The following CPNE8 variants were observed in gnomAD, a reference collection of about 807,000 sequenced individuals.
CPNE8 encodes the protein copine-8.
CPNE8 carries 45 observed loss-of-function variants against 81.5 expected under a neutral mutation model. The ratio of observed to expected loss-of-function variants is 0.55; its 90% CI spans 0.44 to 0.71. The LOEUF is 0.71. Among genes scored for constraint, CPNE8 ranks in the 30% least tolerant of loss-of-function variants. The probability of loss-of-function intolerance (pLI) is 0.00; values close to 1 mark genes in which losing one functional copy is unlikely to be tolerated. For synonymous variants in CPNE8, 252 were observed against 226.3 expected (o/e 1.11, Z -1.02); for missense variants, 594 against 672.1 (o/e 0.88, Z 1.28).
chr12:38,787,031 C>A (rs1374498509), intron 6 of CPNE8, among the ~76,000 whole-genome samples: 1 of 152,028 alleles, frequency 6.6e-6, no homozygotes. Context: ...ATCCCATTTC[C>A]AGGACTGGAC....
At chr12:38,875,048 G>T (rs2056529) in intron 1 of CPNE8, among the ~76,000 whole-genome samples, 132,725 of 152,154 alleles carry the variant, frequency 0.87, 58,147 homozygotes, top group Non-Finnish European at 0.92. Context: ...GATGAACATA[G>T]AGATGTTGCC....
intron 6 of CPNE8, among the ~76,000 whole-genome samples, chr12:38,795,988 A>G (rs756764452): frequency 3.9e-5 from 6 of 152,160 alleles, no homozygotes; most frequent in Non-Finnish European, 8.8e-5. Context: ...CAGGCCAGGA[A>G]CGGTGGTCAC....
chr12:38,839,929 T>C lies in CPNE8; in HGVS notation c.317A>G (p.Asn106Ser), dbSNP rs754910633. The change falls in exon 5 of 20, where the codon AAC becomes AGC. Residue 106 changes from asparagine to serine, a missense_variant. Physicochemically the swap from Asn to Ser is conservative, Grantham distance 46 (BLOSUM62 1). Coordinates refer to ENST00000331366, the MANE Select transcript of CPNE8 (RefSeq NM_153634.3). The part of the protein sequence containing the change: ...DLYDVDSKSP[N>S]LSKHDFLGQV... ...ATATGAACTTACATGTTTGGATAAG[T>C]TGGGGCTCTTTGAATCAACATCATA... 7.6e-6 allele frequency: 12 copies of C among 1,581,356 alleles called. No individual in the cohort carries two copies. The highest frequency in any genetic ancestry group is 9.5e-6 in the Non-Finnish European group (11 of 1,157,324).
intron 11 of CPNE8, among the ~76,000 whole-genome samples, chr12:38,727,673 C>A (rs79949656): frequency 6.6e-6 from 1 of 152,048 alleles, no homozygotes; most frequent in South Asian, 2.1e-4. Context: ...TGTTTAACAG[C>A]GTATCTGCTG....
chr12:38,776,474 T>G (rs1451829747), intron 6 of CPNE8, among the ~76,000 whole-genome samples, 173 bp from the exon 7 acceptor site: 1 of 151,596 alleles, frequency 6.6e-6, no homozygotes, highest in African/African-American at 2.4e-5. Flanking sequence ...CCCAGCTAAA[T>G]TTTGTATGTT....
chr12:38,896,836 C>A (rs1054007434), intron 1 of CPNE8, among the ~76,000 whole-genome samples: 2 of 152,088 alleles, frequency 1.3e-5, no homozygotes, highest in Non-Finnish European at 1.5e-5. Flanking sequence ...TGTGGCTCCC[C>A]AAATTGACTA....
intron 16 of CPNE8, among the ~76,000 whole-genome samples, chr12:38,681,653 G>A (rs571475611): frequency 1.2e-4 from 19 of 152,138 alleles, no homozygotes; most frequent in African/African-American, 4.3e-4. Flanking sequence ...AGCAAAAACT[G>A]GTTTCCCAGA....
intron 13 of CPNE8, among the ~76,000 whole-genome samples, chr12:38,713,633 G>C (rs553463544): frequency 6.6e-6 from 1 of 152,062 alleles, no homozygotes; most frequent in African/African-American, 2.4e-5. Flanking sequence ...AGAAAAAAAG[G>C]GTAGAAAATC....
chr12:38,859,242 A>G (rs1002973487), intron 3 of CPNE8, among the ~76,000 whole-genome samples: 2 of 152,150 alleles, frequency 1.3e-5, no homozygotes, highest in Admixed American at 6.5e-5. Context: ...AAACAAATTC[A>G]TAAGTTGCAG....
At chr12:38,799,754 T>C (rs1022584927) in intron 6 of CPNE8, among the ~76,000 whole-genome samples, 1 of 145,450 alleles carries the variant, frequency 6.9e-6, no homozygotes, top group African/African-American at 2.4e-5. Flanking sequence ...ACCGGGTTCA[T>C]CTCACTAGGG....
chr12:38,868,877 C>T (rs530741783), intron 3 of CPNE8, among the ~76,000 whole-genome samples: 1 of 152,148 alleles, frequency 6.6e-6, no homozygotes, highest in South Asian at 2.1e-4. Context: ...AGTTTCTATC[C>T]CTTTCTTCAA....
At chr12:38,897,344 T>C (rs1035403732) in intron 1 of CPNE8, among the ~76,000 whole-genome samples, 13 of 152,108 alleles carry the variant, frequency 8.5e-5, no homozygotes, top group African/African-American at 4.8e-5. Flanking sequence ...ATTTCAGTTC[T>C]AGAAAACTAT....
At chr12:38,740,832 G>A (rs562201059) in intron 10 of CPNE8, among the ~76,000 whole-genome samples, 84 of 152,262 alleles carry the variant, frequency 5.5e-4, no homozygotes, top group African/African-American at 1.6e-3. Flanking sequence ...GTTCATCAGG[G>A]ATATTGGTCT....
intron 6 of CPNE8, among the ~76,000 whole-genome samples, chr12:38,779,865 A>G (rs1592081692): frequency 6.6e-6 from 1 of 152,136 alleles, no homozygotes; most frequent in Non-Finnish European, 1.5e-5. Context: ...AGCATTTATA[A>G]TATATTTAAA....
intron 1 of CPNE8, among the ~76,000 whole-genome samples, chr12:38,890,672 C>T (rs1053288047): frequency 6.6e-6 from 1 of 151,982 alleles, no homozygotes; most frequent in Non-Finnish European, 1.5e-5. Flanking sequence ...CTAAATTATA[C>T]CCAAGTGAAA....
intron 15 of CPNE8, among the ~76,000 whole-genome samples, chr12:38,689,643 T>C (rs556642718): frequency 1.3e-5 from 2 of 152,324 alleles, no homozygotes; most frequent in Admixed American, 1.3e-4. Context: ...CACATAAATA[T>C]TAAATTGCAT....
At chr12:38,779,763 C>T (rs1027776717) in intron 6 of CPNE8, among the ~76,000 whole-genome samples, 2 of 151,924 alleles carry the variant, frequency 1.3e-5, no homozygotes, top group Non-Finnish European at 2.9e-5. Flanking sequence ...AAAAATGCAC[C>T]CACCATGAGT....
intron 6 of CPNE8, among the ~76,000 whole-genome samples, chr12:38,784,668 C>T (rs1401001261): frequency 6.6e-6 from 1 of 152,058 alleles, no homozygotes; most frequent in Non-Finnish European, 1.5e-5. Context: ...TCCAATATGT[C>T]CGGCAGCAGA....
chr12:38,735,208 A>G (rs865985052), intron 10 of CPNE8, among the ~76,000 whole-genome samples: 60 of 151,576 alleles, frequency 4.0e-4, no homozygotes, highest in South Asian at 1.3e-3. Flanking sequence ...CCTGGAACAC[A>G]TATCAAGATT....
Sources: gnomAD v4.1 joint callset for allele counts (sites outside exome capture counted in the v4.1 genomes callset) on GRCh38, gnomAD v4.1.1 for gene constraint, MANE v1.5 for transcripts, NCBI Gene and HGNC (gene_info 2026-07-23, HGNC 2026-07-21) for gene names.